DSCAM: variants seen among roughly 807,000 people sequenced by gnomAD.
DSCAM encodes the protein cell adhesion molecule DSCAM.
DSCAM carries 47 observed loss-of-function variants against 217.7 expected under a neutral mutation model. The ratio of observed to expected loss-of-function variants is 0.22; its 90% CI spans 0.17 to 0.28. The LOEUF (loss-of-function observed/expected upper bound fraction) is 0.28. Ranked by LOEUF, DSCAM falls within the 10% of genes least tolerant of loss-of-function variation. DSCAM has a pLI of 1.00. For synonymous variants in DSCAM, 1,056 were observed against 1,015.3 expected, an observed-to-expected ratio of 1.04 and a Z score of -0.76; for missense variants, 2,080 against 2,618.3, an observed-to-expected ratio of 0.79 and a Z score of 4.49.
rs117455867 is a variant in DSCAM at position 40,282,733 on chromosome 21, C to T, written c.2183-6463G>A. Among the ~76,000 whole-genome samples, 499 of 150,634 alleles carry T rather than the reference C, an allele frequency of 3.3e-3. 2 individuals carry two copies. Among genetic ancestry groups the T allele is most frequent in the Middle Eastern group, 6.9e-3 (2 of 288 alleles). ...TACATGAATATCCATGTCAACAACACATTGTTTTCCTTTTCTTAAATAATT... is the reference window on the plus strand; with the variant it reads ...TACATGAATATCCATGTCAACAACATATTGTTTTCCTTTTCTTAAATAATT... On this transcript the variant is annotated intron_variant, in intron 10 of 32. Transcript: ENST00000400454.
At chr21:40,742,161 C>T (rs984139534) in intron 1 of DSCAM, among the ~76,000 whole-genome samples, 5 of 152,180 alleles carry the variant, frequency 3.3e-5, no homozygotes, top group Admixed American at 1.3e-4. Context: ...TAATTCCAAG[C>T]AGCTTTAGCC....
intron 23 of DSCAM, 32 bp downstream of exon 23, chr21:40,085,570 A>T (rs2089521066): frequency 6.9e-7 from 1 of 1,451,530 alleles, no homozygotes; most frequent in South Asian, 1.6e-5. Context: ...CATGTAAAAG[A>T]TATCATTAAA....
At chr21:40,344,369 G>A (rs1489561879) in intron 6 of DSCAM, among the ~76,000 whole-genome samples, 1 of 151,976 alleles carries the variant, frequency 6.6e-6, no homozygotes, top group African/African-American at 2.4e-5. Context: ...TCTATATCCT[G>A]TAGATATAAA....
chr21:40,200,016 CT>C (rs369465225), intron 11 of DSCAM, among the ~76,000 whole-genome samples: 190 of 135,142 alleles, frequency 1.4e-3, no homozygotes, highest in Middle Eastern at 3.9e-3. Context: ...CCTCAGGATT[CT>C]TTTTTTTTTT....
At chr21:40,719,829 G>A (rs2146504793) in intron 1 of DSCAM, among the ~76,000 whole-genome samples, 1 of 152,324 alleles carries the variant, frequency 6.6e-6, no homozygotes, top group South Asian at 2.1e-4. Context: ...CCATGAGGTG[G>A]CATCCAAGGT....
intron 11 of DSCAM, among the ~76,000 whole-genome samples, chr21:40,228,639 T>TCTC (rs146502720): frequency 0.027 from 4,001 of 149,176 alleles, 175 homozygotes; most frequent in East Asian, 0.14. Flanking sequence ...CCTCCACCTC[T>TCTC]TTTCTTTTTT....
Position 40,539,465 on chromosome 21 carries a change from C to T in DSCAM, c.508+153345G>A, listed in dbSNP as rs889147330. ...GACCCCAGATTGTGTCACTGCACTC[C>T]AGCCTGGGCGACAGAGCGAGACTCC... On this transcript the variant is annotated intron_variant, in intron 3 of 32. Transcript: ENST00000400454. Among the ~76,000 whole-genome samples, 3 of 150,996 alleles carry T rather than the reference C, an allele frequency of 2.0e-5. No homozygotes were observed. The East Asian group carries it at 5.9e-4, about 30-fold the overall frequency.
At chr21:40,491,344 A>G (rs1342736856) in intron 3 of DSCAM, among the ~76,000 whole-genome samples, 1 of 151,986 alleles carries the variant, frequency 6.6e-6, no homozygotes, top group African/African-American at 2.4e-5. Flanking sequence ...CCAGAGAGTG[A>G]TTGCTTCTGC....
At chr21:40,371,184 G>C (rs2837586) in intron 3 of DSCAM, among the ~76,000 whole-genome samples, 11,473 of 152,058 alleles carry the variant, frequency 0.075, 753 homozygotes, top group Admixed American at 0.23. Context: ...TATTAGAGAA[G>C]CTGAAAAATC....
At chr21:40,287,805 T>C (rs572410301) in intron 10 of DSCAM, among the ~76,000 whole-genome samples, 74 of 152,136 alleles carry the variant, frequency 4.9e-4, no homozygotes, top group African/African-American at 1.6e-3. Context: ...AGTGCAGAAG[T>C]GACAGCCTCC....
At position 40,360,121 on chromosome 21, in the gene DSCAM, G is replaced by GTTTTTTTTTTTTTTTTTTTTTTTTT. The variant is rs764160478; in HGVS notation, c.656-6379_656-6378insAAAAAAAAAAAAAAAAAAAAAAAAA. On this transcript the variant is annotated intron_variant, in intron 4 of 32. Coordinates refer to ENST00000400454, the MANE Select transcript of DSCAM (RefSeq NM_001389.5). ...TAGTGAGCATGGTACTTCATAGGTAGTCTTTTTTTTTTTTTTTTTTTTTTT... is the reference window on the plus strand; with the variant it reads ...TAGTGAGCATGGTACTTCATAGGTAGTTTTTTTTTTTTTTTTTTTTTTTTTTCTTTTTTTTTTTTTTTTTTTTTTT... Among the ~76,000 whole-genome samples the GTTTTTTTTTTTTTTTTTTTTTTTTT allele has an allele frequency of 9.7e-5, 8 of 82,656 alleles. 4 individuals are homozygous for GTTTTTTTTTTTTTTTTTTTTTTTTT. The highest frequency in any genetic ancestry group is 3.0e-4 in the Admixed American group (2 of 6,776). The allele number at this position is 82,656 out of a possible 152,430, so 54.2% of individuals were successfully genotyped here. A position where few individuals can be genotyped will look rare whatever the true frequency, so the allele number is the denominator to read the frequency against.
intron 8 of DSCAM, among the ~76,000 whole-genome samples, chr21:40,332,750 A>G (rs2123565963): frequency 6.6e-6 from 1 of 152,334 alleles, no homozygotes; most frequent in East Asian, 1.9e-4. Flanking sequence ...TATATTTCAG[A>G]ACTGCTTAAG....
intron 1 of DSCAM, among the ~76,000 whole-genome samples, chr21:40,710,439 T>C (rs1434755299): frequency 6.6e-6 from 1 of 152,234 alleles, no homozygotes; most frequent in Non-Finnish European, 1.5e-5. Context: ...ATACGTAAAA[T>C]GTACCATTTT....
At chr21:40,568,254 A>C (rs188627246) in intron 3 of DSCAM, among the ~76,000 whole-genome samples, 1 of 152,342 alleles carries the variant, frequency 6.6e-6, no homozygotes, top group Non-Finnish European at 1.5e-5. Context: ...AGAGCATATT[A>C]GCAAAGTTAC....
intron 3 of DSCAM, among the ~76,000 whole-genome samples, chr21:40,500,474 G>C (rs1368153699): frequency 2.6e-5 from 4 of 152,108 alleles, no homozygotes; most frequent in African/African-American, 9.7e-5. Context: ...CCTCACTATT[G>C]AATGTCAACT....
intron 3 of DSCAM, among the ~76,000 whole-genome samples, chr21:40,628,254 T>C (rs68133138): frequency 0.07 from 10,712 of 152,256 alleles, 447 homozygotes; most frequent in Middle Eastern, 0.099. Flanking sequence ...GTTGGGATCA[T>C]GAACCCTGGA....
intron 3 of DSCAM, among the ~76,000 whole-genome samples, chr21:40,493,370 CG>C (rs1156251936): frequency 6.6e-6 from 1 of 151,886 alleles, no homozygotes; most frequent in South Asian, 2.1e-4. Context: ...ATAAACAACA[CG>C]AAAATATATG....
chr21:40,663,533 G>A (rs944574872), intron 3 of DSCAM, among the ~76,000 whole-genome samples: 2 of 152,126 alleles, frequency 1.3e-5, no homozygotes, highest in Non-Finnish European at 2.9e-5. Flanking sequence ...GTTTTCCTTT[G>A]AGGAGCCATC....
At chr21:40,196,425 C>T (rs191561151) in intron 11 of DSCAM, among the ~76,000 whole-genome samples, 2 of 152,238 alleles carry the variant, frequency 1.3e-5, no homozygotes, top group East Asian at 1.9e-4. Context: ...CAGGCCCCAC[C>T]GCACGTTGGC....
Sources: gnomAD v4.1 joint callset for allele counts (sites outside exome capture counted in the v4.1 genomes callset) on GRCh38, gnomAD v4.1.1 for gene constraint, MANE v1.5 for transcripts, NCBI Gene and HGNC (gene_info 2026-07-23, HGNC 2026-07-21) for gene names.